REEP1: variants seen among roughly 807,000 people sequenced by gnomAD.
REEP1 encodes receptor expression-enhancing protein 1.
In REEP1, 22 loss-of-function variants were observed where a neutral mutation model predicts 40.3. The ratio of observed to expected loss-of-function variants is 0.55; its 90% CI spans 0.39 to 0.78. The LOEUF (loss-of-function observed/expected upper bound fraction) is 0.78. Among genes scored for constraint, REEP1 ranks in the 30% least tolerant of loss-of-function variants. The pLI, the probability that REEP1 is intolerant of heterozygous loss-of-function variation, is 0.00. For missense variants in REEP1, 280 were observed against 361.1 expected (o/e 0.78, Z 1.82); for synonymous variants, 116 against 139.2 (o/e 0.83, Z 1.17).
chr2:86,262,372 A>G (rs1040957153), intron 3 of REEP1, among the ~76,000 whole-genome samples: 1 of 152,206 alleles, frequency 6.6e-6, no homozygotes, highest in Non-Finnish European at 1.5e-5. Context: ...CCACTTAAGG[A>G]GACTCAGCTT....
At chr2:86,313,001 T>C (rs994892528) in intron 1 of REEP1, among the ~76,000 whole-genome samples, 1 of 144,582 alleles carries the variant, frequency 6.9e-6, no homozygotes, top group Non-Finnish European at 1.5e-5. Flanking sequence ...CTTCTTCTGC[T>C]TTTTTTTTCT....
chr2:86,278,377 T>G (rs1206457885), intron 2 of REEP1, among the ~76,000 whole-genome samples: 2 of 152,226 alleles, frequency 1.3e-5, no homozygotes, highest in African/African-American at 4.8e-5. Context: ...TAAGGTTGGG[T>G]CTTGTCAGAA....
At chr2:86,274,766 G>T (rs1156709007) in intron 2 of REEP1, among the ~76,000 whole-genome samples, 1 of 152,172 alleles carries the variant, frequency 6.6e-6, no homozygotes, top group African/African-American at 2.4e-5. Context: ...ATGGAACGTT[G>T]ACAGTATGAC....
intron 1 of REEP1, among the ~76,000 whole-genome samples, chr2:86,296,212 T>G (rs1474539457): frequency 1.3e-5 from 2 of 152,248 alleles, no homozygotes; most frequent in African/African-American, 4.8e-5. Flanking sequence ...TCCTCAGTAA[T>G]TAGCACTGGT....
intron 5 of REEP1, among the ~76,000 whole-genome samples, chr2:86,248,876 G>T (rs1489346130): frequency 1.3e-5 from 2 of 152,186 alleles, no homozygotes; most frequent in South Asian, 2.1e-4. Flanking sequence ...TTTGCAGCGT[G>T]TCTTTTTTTC....
At chr2:86,301,100 T>C (rs899853150) in intron 1 of REEP1, among the ~76,000 whole-genome samples, 1 of 152,220 alleles carries the variant, frequency 6.6e-6, no homozygotes, top group Non-Finnish European at 1.5e-5. Context: ...TCACACCAAC[T>C]AAATACAAGC....
chr2:86,318,445 C>A (rs1680132626), intron 1 of REEP1, among the ~76,000 whole-genome samples: 1 of 144,842 alleles, frequency 6.9e-6, no homozygotes. Flanking sequence ...GTCACCCAGG[C>A]TGGAGTGCAG....
intron 3 of REEP1, among the ~76,000 whole-genome samples, chr2:86,262,648 C>A (rs914714118): frequency 1.1e-4 from 16 of 152,204 alleles, no homozygotes; most frequent in African/African-American, 3.9e-4. Context: ...CATACTGATC[C>A]TTTTTGGGTA....
intron 1 of REEP1, among the ~76,000 whole-genome samples, chr2:86,331,031 G>C (rs894170297): frequency 1.9e-4 from 29 of 152,164 alleles, no homozygotes; most frequent in African/African-American, 6.3e-4. Context: ...AGGAACTGGG[G>C]CCCGAGCAAC....
chr2:86,254,662 G>A lies in REEP1; in HGVS notation c.303+32C>T, dbSNP rs763567082. ...TTATTACTTATTTTCTCACTTGCTA[G>A]AAAGAATGAAAGACATGGCAGCATA... is the stretch of plus-strand genomic sequence containing the variant. On this transcript the variant is annotated intron_variant, in intron 4 of 8. Coordinates refer to ENST00000538924, the MANE Select transcript of REEP1 (RefSeq NM_001371279.1). 2.5e-6 allele frequency: 4 copies of A among 1,605,660 alleles called. No individual in the cohort carries two copies. In the Admixed American group the frequency reaches 6.7e-5, roughly 27 times the overall value.
intron 5 of REEP1, among the ~76,000 whole-genome samples, chr2:86,240,511 C>T (rs908401628): frequency 2.6e-5 from 4 of 152,088 alleles, no homozygotes; most frequent in Admixed American, 1.3e-4. Context: ...CACGTGCTGG[C>T]GGGGAAGTGC....
intron 4 of REEP1, among the ~76,000 whole-genome samples, chr2:86,253,077 T>G (rs1574037368): frequency 1.3e-5 from 2 of 152,160 alleles, no homozygotes; most frequent in South Asian, 4.2e-4. Flanking sequence ...AGGTCAAGAG[T>G]TCGAGACCAG....
intron 1 of REEP1, among the ~76,000 whole-genome samples, chr2:86,308,291 G>A (rs573506161): frequency 7.2e-5 from 11 of 152,224 alleles, no homozygotes; most frequent in Non-Finnish European, 1.3e-4. Context: ...TTTGATGTGT[G>A]AATGGCACTT....
At chr2:86,316,596 T>A (rs200334798) in intron 1 of REEP1, among the ~76,000 whole-genome samples, 1 of 142,444 alleles carries the variant, frequency 7.0e-6, no homozygotes, top group Non-Finnish European at 1.5e-5. Context: ...TGGTGGCTCA[T>A]GCCTGTAATC....
intron 1 of REEP1, among the ~76,000 whole-genome samples, chr2:86,297,330 C>T (rs1014264091): frequency 7.9e-5 from 12 of 152,206 alleles, no homozygotes; most frequent in African/African-American, 2.9e-4. Context: ...GGACAAGAGC[C>T]CAGAAGCCTC....
chr2:86,259,727 C>T (rs1055668157), intron 3 of REEP1, among the ~76,000 whole-genome samples: 1 of 152,062 alleles, frequency 6.6e-6, no homozygotes, highest in East Asian at 1.9e-4. Flanking sequence ...TAAATGAAAT[C>T]ACCTCTACAA....
At chr2:86,330,418 T>G (rs1283796135) in intron 1 of REEP1, among the ~76,000 whole-genome samples, 2 of 98,010 alleles carry the variant, frequency 2.0e-5, no homozygotes, top group African/African-American at 7.0e-5. Flanking sequence ...AATCCTGGTG[T>G]GTGTGTGTGT....
intron 1 of REEP1, among the ~76,000 whole-genome samples, chr2:86,320,217 T>C (rs942532445): frequency 3.3e-5 from 5 of 152,226 alleles, no homozygotes; most frequent in Admixed American, 3.3e-4. Context: ...GAGGAAACCG[T>C]ATTTCCCCTG....
intron 2 of REEP1, among the ~76,000 whole-genome samples, chr2:86,264,852 C>T (rs7583775): frequency 6.6e-6 from 1 of 152,166 alleles, no homozygotes; most frequent in East Asian, 1.9e-4. Flanking sequence ...AGCTTTGGAG[C>T]ACGGGAACCA....
Sources: allele counts gnomAD v4.1 joint callset (sites outside exome capture counted in the v4.1 genomes callset), GRCh38; gene constraint gnomAD v4.1.1; transcripts MANE v1.5; gene names NCBI Gene and HGNC (gene_info 2026-07-23, HGNC 2026-07-21).